OSBPL10: variants seen among roughly 807,000 people sequenced by gnomAD.
OSBPL10 encodes oxysterol binding protein like 10, also known as oxysterol-binding protein-related protein 10.
Under a neutral mutation model 81.7 loss-of-function variants are expected in OSBPL10, and 49 were observed. The observed-to-expected ratio is 0.60, with a 90% CI of 0.48 to 0.76. OSBPL10 has a LOEUF of 0.76. Among genes scored for constraint, OSBPL10 ranks in the 30% least tolerant of loss-of-function variants. The pLI is 0.00. For synonymous variants in OSBPL10, 419 were observed against 383.6 expected, an observed-to-expected ratio of 1.09 and a Z score of -1.08; for missense variants, 923 against 987.8, an observed-to-expected ratio of 0.93 and a Z score of 0.88.
chr3:32,003,121 T>C (rs970902473), intron 2 of OSBPL10, among the ~76,000 whole-genome samples: 4 of 152,094 alleles, frequency 2.6e-5, no homozygotes, highest in African/African-American at 9.7e-5. Context: ...CAGAGGGTGG[T>C]AAATTGGAGG....
chr3:31,938,105 C>T (rs1559525217), intron 1 of OSBPL10, among the ~76,000 whole-genome samples: 1 of 152,124 alleles, frequency 6.6e-6, no homozygotes. Flanking sequence ...ACCCTACGAA[C>T]TCCTTCCCTG....
chr3:31,981,326 G>C, upstream of OSBPL10: 1 of 1,239,436 alleles, frequency 8.1e-7, no homozygotes, highest in Non-Finnish European at 1.0e-6. The surrounding 1 kb of genome is among the most constrained non-coding windows in gnomAD (Gnocchi z 4.5). Flanking sequence ...GGAGGAAGAG[G>C]AGGAGGAGGC....
At chr3:31,989,368 A>G (rs1253283212) in intron 2 of OSBPL10, 2 of 1,614,216 alleles carry the variant, frequency 1.2e-6, no homozygotes, top group Non-Finnish European at 1.7e-6. Context: ...AAGTCATCAC[A>G]TTGGAGATTT....
intron 8 of OSBPL10, among the ~76,000 whole-genome samples, chr3:31,675,787 A>G (rs1237496415): frequency 6.6e-6 from 1 of 151,872 alleles, no homozygotes; most frequent in African/African-American, 2.4e-5. Context: ...TCTACTAAAA[A>G]TACCAAAAAT....
At chr3:31,741,979 T>G (rs905271822) in intron 5 of OSBPL10, among the ~76,000 whole-genome samples, 2 of 152,262 alleles carry the variant, frequency 1.3e-5, no homozygotes, top group Admixed American at 1.3e-4. Context: ...CTCAGCCATG[T>G]GGAACTGTAA....
chr3:31,762,630 A>ATTTCTTTTTTTTTTTTTTTTTT (rs1698080481), intron 4 of OSBPL10, among the ~76,000 whole-genome samples: 1 of 61,514 alleles, frequency 1.6e-5, no homozygotes, highest in Non-Finnish European at 2.7e-5. Context: ...CATGCCCAGC[A>ATTTCTTTTTTTTTTTTTTTTTT]TTTTTTTTTT....
At chr3:31,828,628 G>A (rs1279280970) in intron 4 of OSBPL10, among the ~76,000 whole-genome samples, 7 of 152,190 alleles carry the variant, frequency 4.6e-5, no homozygotes, top group African/African-American at 7.2e-5. Flanking sequence ...CCGCTCCTAG[G>A]ATCAAGCGAT....
At chr3:31,866,407 G>C (rs61297804) in intron 3 of OSBPL10, among the ~76,000 whole-genome samples, 39,460 of 151,998 alleles carry the variant, frequency 0.26, 5,251 homozygotes, top group Non-Finnish European at 0.29. Flanking sequence ...CACACAAGTG[G>C]GAACAGTGGC....
chr3:32,036,222 A>C (rs1699517404), intron 2 of OSBPL10, among the ~76,000 whole-genome samples: 1 of 151,978 alleles, frequency 6.6e-6, no homozygotes, highest in Admixed American at 6.6e-5. Context: ...TAATCTTTTT[A>C]ATTTTTAGTA....
At chr3:31,968,854 C>A (rs1419887897) in intron 1 of OSBPL10, among the ~76,000 whole-genome samples, 1 of 152,182 alleles carries the variant, frequency 6.6e-6, no homozygotes, top group Non-Finnish European at 1.5e-5. Flanking sequence ...GAAAAAGGCA[C>A]TCATTAGCCA....
chr3:31,891,896 C>T (rs1695903735), intron 1 of OSBPL10, among the ~76,000 whole-genome samples: 1 of 152,112 alleles, frequency 6.6e-6, no homozygotes, highest in African/African-American at 2.4e-5. Context: ...TGTAAGAATT[C>T]ACTCATTTGT....
intron 2 of OSBPL10, among the ~76,000 whole-genome samples, chr3:32,022,912 T>C (rs996051711): frequency 1.3e-5 from 2 of 152,084 alleles, no homozygotes; most frequent in African/African-American, 4.8e-5. Context: ...CTAAAACAAA[T>C]AGCGGTGGTC....
chr3:31,886,966 T>C (rs1354418727), intron 1 of OSBPL10, among the ~76,000 whole-genome samples: 1 of 150,494 alleles, frequency 6.6e-6, no homozygotes. Context: ...CCCTTCTCCA[T>C]GTGGGATAGT....
At chr3:31,777,505 A>C (rs775498348) in intron 4 of OSBPL10, among the ~76,000 whole-genome samples, 1 of 152,222 alleles carries the variant, frequency 6.6e-6, no homozygotes, top group Non-Finnish European at 1.5e-5. Context: ...CAGACAGGAG[A>C]TAGGACTGAC....
intron 1 of OSBPL10, among the ~76,000 whole-genome samples, chr3:31,913,241 TTTTG>T (rs1373850186): frequency 6.6e-6 from 1 of 150,812 alleles, no homozygotes; most frequent in Non-Finnish European, 1.5e-5. Flanking sequence ...TTTTTTTTTA[TTTTG>T]TTTTTTGTTT....
intron 2 of OSBPL10, among the ~76,000 whole-genome samples, chr3:32,025,472 T>C (rs1266369401): frequency 3.9e-5 from 6 of 152,324 alleles, no homozygotes; most frequent in Admixed American, 1.3e-4. Context: ...AGTTTTCTCT[T>C]CTCATGTCAT....
At position 31,830,245 on chromosome 3, in the gene OSBPL10, C is replaced by G. The variant is rs769497484; in HGVS notation, c.538-14G>C. The G allele has an allele frequency of 1.4e-4, 223 of 1,605,590 alleles. No homozygotes were observed. The highest frequency in any genetic ancestry group is 1.6e-4 in the Non-Finnish European group (188 of 1,176,102). ...GCTTGGAGCACTCTAGAATAAGCAACAGGTGTCAAAACTCAACAACTGACC... is the reference window on the plus strand; with the variant it reads ...GCTTGGAGCACTCTAGAATAAGCAAGAGGTGTCAAAACTCAACAACTGACC... On this transcript the variant is annotated splice_polypyrimidine_tract_variant and intron_variant, in intron 3 of 11. Coordinates refer to ENST00000396556, the MANE Select transcript of OSBPL10 (RefSeq NM_017784.5).
rs1700082760 is a variant in OSBPL10, at chr3:31,662,035, A to G, written c.*37T>C. ...CTACTACTTTAATATTCCTACAAAAACAGGGCTATACTGGAAAGCTCTGCA... is the reference window on the plus strand; with the variant it reads ...CTACTACTTTAATATTCCTACAAAAGCAGGGCTATACTGGAAAGCTCTGCA... On this transcript the variant is annotated 3_prime_UTR_variant, in exon 12 of 12. Transcript: ENST00000396556. 2 of 1,608,032 alleles carry G rather than the reference A, an allele frequency of 1.2e-6. No individual in the cohort carries two copies. Among genetic ancestry groups the G allele is most frequent in the Non-Finnish European group, 1.7e-6 (2 of 1,177,702 alleles).
rs950554218 is a variant in OSBPL10, at chr3:31,845,097, T to C, written c.538-14866A>G. On this transcript the variant is annotated intron_variant, in intron 3 of 11. Coordinates refer to ENST00000396556, the MANE Select transcript of OSBPL10 (RefSeq NM_017784.5). The stretch of plus-strand genomic sequence containing the variant: ...ACCCTGTCTCAATAAAATTAACCAT[T>C]GTATGTATTTTATGTCAATGACTTT... Among the ~76,000 whole-genome samples, 10 of 151,872 alleles carry C rather than the reference T, an allele frequency of 6.6e-5. No individual in the cohort carries two copies. In the South Asian group the frequency reaches 2.1e-3, roughly 32 times the overall value.
Sources: gnomAD v4.1 joint callset for allele counts (sites outside exome capture counted in the v4.1 genomes callset) on GRCh38, gnomAD v4.1.1 for gene constraint, Gnocchi (gnomAD v3.1) non-coding constraint, MANE v1.5 for transcripts, NCBI Gene and HGNC (gene_info 2026-07-23, HGNC 2026-07-21) for gene names.